The following MYO3A variants were observed in gnomAD, a reference collection of about 807,000 sequenced individuals.
The protein encoded by MYO3A is myosin IIIA, also known as myosin-IIIa.
Under a neutral mutation model 192.7 loss-of-function variants are expected in MYO3A, and 180 were observed. The observed-to-expected ratio is 0.93, with a 90% confidence interval of 0.83 to 1.06. MYO3A has a LOEUF of 1.06. MYO3A is among the 50% of genes least tolerant of loss of function. The probability of loss-of-function intolerance (pLI) is 0.00; values close to 1 mark genes in which losing one functional copy is unlikely to be tolerated. For synonymous variants in MYO3A, 628 were observed against 645.3 expected, an observed-to-expected ratio of 0.97 and a Z score of 0.41; for missense variants, 1,896 against 1,905.0, an observed-to-expected ratio of 1.00 and a Z score of 0.09.
At chr10:26,055,860 C>A (rs2131312080) in intron 10 of MYO3A, among the ~76,000 whole-genome samples, 1 of 152,274 alleles carries the variant, frequency 6.6e-6, no homozygotes, top group East Asian at 1.9e-4. Flanking sequence ...GCTTCCACTC[C>A]CTTATGCCTG....
intron 2 of MYO3A, among the ~76,000 whole-genome samples, chr10:25,936,898 A>G (rs1836110267): frequency 6.6e-6 from 1 of 152,026 alleles, no homozygotes; most frequent in African/African-American, 2.4e-5. Context: ...AGTTAAAAAA[A>G]ATAGCCACTG....
At chr10:26,109,902 C>T (rs1008641513) in intron 17 of MYO3A, among the ~76,000 whole-genome samples, 2 of 152,072 alleles carry the variant, frequency 1.3e-5, no homozygotes, top group African/African-American at 2.4e-5. Flanking sequence ...AGGCTATTTC[C>T]AGCACCAATC....
At position 26,202,959 on chromosome 10, in the gene MYO3A, T is replaced by C. The variant is rs767032846; in HGVS notation, c.4587-5T>C. 1.9e-6 allele frequency: 3 copies of C among 1,613,514 alleles called. No individual in the cohort carries two copies. Among genetic ancestry groups the C allele is most frequent in the Non-Finnish European group, 2.5e-6 (3 of 1,179,606 alleles). On this transcript the variant is annotated splice_region_variant and splice_polypyrimidine_tract_variant and intron_variant, in intron 33 of 34. Coordinates refer to ENST00000642920, the MANE Select transcript of MYO3A (RefSeq NM_017433.5). ...GCAATGGTGTGTTTATGTGTTCATT[T>C]ACAGTCAGGGAAAATTATTAGATTT...
chr10:25,946,416 C>G lies in MYO3A; in HGVS notation c.-17-5678C>G, dbSNP rs117395674. On this transcript the variant is annotated intron_variant, in intron 2 of 34. Coordinates refer to ENST00000642920, the MANE Select transcript of MYO3A (RefSeq NM_017433.5). ...TTTCAGCACTTTAAATATATTATCC[C>G]TCTGCCTTCTAGCTTGCAAGATTTC... Among the ~76,000 whole-genome samples the G allele has an allele frequency of 7.9e-3, 1,198 of 152,154 alleles. 6 individuals carry two copies. The highest frequency in any genetic ancestry group is 0.011 in the Non-Finnish European group (741 of 68,010).
intron 17 of MYO3A, among the ~76,000 whole-genome samples, chr10:26,102,068 C>T (rs1002542245): frequency 2.0e-5 from 3 of 152,130 alleles, no homozygotes; most frequent in African/African-American, 7.2e-5. Context: ...TCACATCATC[C>T]CATATTTCTT....
intron 20 of MYO3A, among the ~76,000 whole-genome samples, chr10:26,131,902 C>T (rs1268472696): frequency 1.3e-5 from 2 of 152,174 alleles, no homozygotes; most frequent in African/African-American, 2.4e-5. Flanking sequence ...AAATTTAAGA[C>T]TCAACCCCTT....
At chr10:26,128,579 TA>T in intron 20 of MYO3A, 41 bp downstream of exon 20, 1 of 1,557,156 alleles carries the variant, frequency 6.4e-7, no homozygotes, top group Non-Finnish European at 8.8e-7. Flanking sequence ...TGCATGCATG[TA>T]TTATAGGCAG....
At chr10:26,104,890 CA>C (rs1564553390) in intron 17 of MYO3A, among the ~76,000 whole-genome samples, 11 of 151,850 alleles carry the variant, frequency 7.2e-5, no homozygotes, top group African/African-American at 2.2e-4. Context: ...CACACACACA[CA>C]CACACCCATG....
intron 4 of MYO3A, among the ~76,000 whole-genome samples, chr10:25,956,459 C>G (rs1433156681): frequency 1.3e-5 from 2 of 150,080 alleles, no homozygotes; most frequent in African/African-American, 4.9e-5. Context: ...TCACAAGTAG[C>G]TGGGATTACA....
chr10:26,065,604 A>ACAT (rs1554817231), intron 10 of MYO3A, among the ~76,000 whole-genome samples: 3 of 129,952 alleles, frequency 2.3e-5, no homozygotes, highest in African/African-American at 5.4e-5. Context: ...AAAAAAAAAA[A>ACAT]AAAAAAAAAG....
intron 4 of MYO3A, among the ~76,000 whole-genome samples, chr10:25,992,050 G>A (rs1238804388): frequency 6.6e-6 from 1 of 152,152 alleles, no homozygotes; most frequent in Non-Finnish European, 1.5e-5. Flanking sequence ...ATTCTGTGAA[G>A]AAAGGCATTG....
At chr10:26,176,661 CT>C (rs2132053424) in intron 30 of MYO3A, 39 bp from the exon 31 acceptor site, 1 of 1,580,604 alleles carries the variant, frequency 6.3e-7, no homozygotes. Flanking sequence ...TCTCTGTATT[CT>C]TTTCCTTGAT....
chr10:26,040,241 T>G (rs1204004725), intron 10 of MYO3A, among the ~76,000 whole-genome samples: 2 of 152,086 alleles, frequency 1.3e-5, no homozygotes, highest in Non-Finnish European at 2.9e-5. Flanking sequence ...TTTTTGAGAC[T>G]GTAGCAAATC....
intron 31 of MYO3A, among the ~76,000 whole-genome samples, chr10:26,183,132 C>CT (rs1339438222): frequency 9.2e-5 from 14 of 152,140 alleles, no homozygotes; most frequent in Admixed American, 3.9e-4. Context: ...TGGGTCTCAC[C>CT]CCCCACACAG....
chr10:26,106,942 A>C (rs1042892868), intron 17 of MYO3A, among the ~76,000 whole-genome samples: 2 of 150,794 alleles, frequency 1.3e-5, no homozygotes. Flanking sequence ...TTTTTCTTTT[A>C]TATCAGATTT....
At chr10:26,192,096 G>A (rs17752353) in intron 31 of MYO3A, among the ~76,000 whole-genome samples, 31,793 of 151,982 alleles carry the variant, frequency 0.21, 3,898 homozygotes, top group African/African-American at 0.33. Context: ...CATGAAAAAA[G>A]TAGAAATATG....
intron 20 of MYO3A, among the ~76,000 whole-genome samples, chr10:26,131,873 T>C (rs1839554568): frequency 6.6e-6 from 1 of 152,202 alleles, no homozygotes; most frequent in African/African-American, 2.4e-5. Flanking sequence ...AGCCAAGAAG[T>C]ATAGTTGTAA....
chr10:26,055,225 T>G (rs1844243460), intron 10 of MYO3A, among the ~76,000 whole-genome samples: 2 of 152,194 alleles, frequency 1.3e-5, no homozygotes, highest in Admixed American at 6.5e-5. Flanking sequence ...CTTGTTTGTT[T>G]CCTTTATCAG....
chr10:26,097,536 C>T (rs995850254), intron 17 of MYO3A, among the ~76,000 whole-genome samples: 6 of 152,042 alleles, frequency 3.9e-5, no homozygotes, highest in African/African-American at 1.4e-4. Flanking sequence ...TCCCTCCCCC[C>T]TGCCCCCACC....
Sources: allele counts gnomAD v4.1 joint callset (sites outside exome capture counted in the v4.1 genomes callset), GRCh38; gene constraint gnomAD v4.1.1; transcripts MANE v1.5; gene names NCBI Gene and HGNC (gene_info 2026-07-23, HGNC 2026-07-21).